NDUFAF2: variants seen among roughly 807,000 people sequenced by gnomAD.
The protein encoded by NDUFAF2 is NADH:ubiquinone oxidoreductase complex assembly factor 2.
Under a neutral mutation model 22.8 loss-of-function variants are expected in NDUFAF2, and 13 were observed. The ratio of observed to expected loss-of-function variants is 0.57; its 90% CI spans 0.37 to 0.91. NDUFAF2 has a LOEUF of 0.91. Ranked by LOEUF, NDUFAF2 falls within the 40% of genes least tolerant of loss-of-function variation. The pLI, the probability that NDUFAF2 is intolerant of heterozygous loss-of-function variation, is 0.01. For missense variants in NDUFAF2, 162 were observed against 195.2 expected, an observed-to-expected ratio of 0.83 and a Z score of 1.01; for synonymous variants, 53 against 64.2, an observed-to-expected ratio of 0.83 and a Z score of 0.84.
chr5:61,000,779 A>G (rs2112590628), intron 1 of NDUFAF2, among the ~76,000 whole-genome samples: 1 of 152,292 alleles, frequency 6.6e-6, no homozygotes, highest in African/African-American at 2.4e-5. Context: ...AGCACCTGGT[A>G]TATGTAGCAT....
intron 2 of NDUFAF2, among the ~76,000 whole-genome samples, chr5:61,076,392 G>A (rs1752371441): frequency 1.3e-5 from 2 of 152,298 alleles, no homozygotes; most frequent in Middle Eastern, 6.8e-3. Context: ...GTTTTAAATA[G>A]TGTTCAGAAA....
intron 1 of NDUFAF2, among the ~76,000 whole-genome samples, chr5:60,967,851 A>T (rs181461886): frequency 6.6e-6 from 1 of 150,642 alleles, no homozygotes; most frequent in African/African-American, 2.4e-5. Context: ...TAATGCTGGC[A>T]TTATGAAATG....
At position 61,008,094 on chromosome 5, in the gene NDUFAF2, T is replaced by C. The variant is rs533993927; in HGVS notation, c.127+62712T>C. 1.4e-4 allele frequency among the ~76,000 whole-genome samples: 19 copies of C among 138,418 alleles called. No individual in the cohort carries two copies. The South Asian group carries it at 2.2e-3, about 16-fold the overall frequency. The allele number at this position is 138,418 out of a possible 152,430, so 90.8% of individuals were successfully genotyped here. On this transcript the variant is annotated intron_variant, in intron 1 of 3. Transcript: ENST00000296597. Reference sequence around the variant, plus strand: ...GCATCTTCTCACTCACAGGTGGGAATTGAACAATGAGAACACATGGACAGA... The same window carrying C: ...GCATCTTCTCACTCACAGGTGGGAACTGAACAATGAGAACACATGGACAGA...
intron 1 of NDUFAF2, among the ~76,000 whole-genome samples, chr5:60,967,414 G>A (rs1240399758): frequency 1.3e-5 from 2 of 151,996 alleles, no homozygotes; most frequent in Non-Finnish European, 2.9e-5. Flanking sequence ...TCCTTGTCTT[G>A]ATTCGGATCT....
At chr5:60,994,960 G>T (rs1295914461) in intron 1 of NDUFAF2, among the ~76,000 whole-genome samples, 1 of 151,912 alleles carries the variant, frequency 6.6e-6, no homozygotes, top group African/African-American at 2.4e-5. Flanking sequence ...TCTTCTGCTT[G>T]ATCAGTTCTG....
At chr5:61,116,620 C>G (rs1258438624) in intron 3 of NDUFAF2, 1 of 152,124 alleles carries the variant, frequency 6.6e-6, no homozygotes, top group African/African-American at 2.4e-5. Context: ...CAGTTCTAGT[C>G]TAGAATTCTA....
chr5:61,147,988 G>A (rs1741166919), intron 3 of NDUFAF2, among the ~76,000 whole-genome samples: 1 of 152,150 alleles, frequency 6.6e-6, no homozygotes. Context: ...GTGAGAAGTT[G>A]TCCTTCCTGC....
At chr5:60,976,209 T>C (rs1750900288) in intron 1 of NDUFAF2, among the ~76,000 whole-genome samples, 1 of 152,112 alleles carries the variant, frequency 6.6e-6, no homozygotes, top group African/African-American at 2.4e-5. Context: ...CATTACTAGA[T>C]GTAAATTTTT....
rs796923256 is a variant in NDUFAF2, at chr5:61,008,164, AG to A, written c.127+62788del. Among the ~76,000 whole-genome samples, 288 of 60,612 alleles carry A rather than the reference AG, an allele frequency of 4.8e-3. 6 individuals carry two copies. Among genetic ancestry groups the A allele is most frequent in the African/African-American group, 0.019 (280 of 14,742 alleles). The allele number at this position is 60,612 out of a possible 152,430, so 39.8% of individuals were successfully genotyped here. A position where few individuals can be genotyped will look rare whatever the true frequency, so the allele number is the denominator to read the frequency against. On this transcript the variant is annotated intron_variant, in intron 1 of 3. Transcript: ENST00000296597. ...CTGGGGACTGTTGTGGGGTGGGGGG[AG>A]GGGGGAGGGATAGCTTTAGGAGATA...
chr5:60,997,806 T>C (rs1751246967), intron 1 of NDUFAF2, among the ~76,000 whole-genome samples: 1 of 152,196 alleles, frequency 6.6e-6, no homozygotes, highest in Admixed American at 6.5e-5. Context: ...ATTCTTTCTT[T>C]ATATGCTTAT....
At chr5:61,108,623 G>A (rs1188294166) in intron 3 of NDUFAF2, among the ~76,000 whole-genome samples, 4 of 147,252 alleles carry the variant, frequency 2.7e-5, no homozygotes, top group African/African-American at 5.4e-5. Context: ...ATCCATTTTG[G>A]TTTGATTGCT....
At chr5:61,046,574 A>G (rs1022182184) in intron 1 of NDUFAF2, among the ~76,000 whole-genome samples, 1 of 152,116 alleles carries the variant, frequency 6.6e-6, no homozygotes, top group African/African-American at 2.4e-5. Flanking sequence ...ATTTTGCTAT[A>G]TATTATCTAT....
chr5:61,037,711 A>C (rs372956350), intron 1 of NDUFAF2, among the ~76,000 whole-genome samples: 2 of 152,176 alleles, frequency 1.3e-5, no homozygotes, highest in African/African-American at 4.8e-5. Flanking sequence ...GCTTTTAAAA[A>C]TCAAAACATG....
At chr5:61,126,618 A>T (rs1337322333) in intron 3 of NDUFAF2, among the ~76,000 whole-genome samples, 1 of 152,108 alleles carries the variant, frequency 6.6e-6, no homozygotes, top group Non-Finnish European at 1.5e-5. Context: ...AATAATTTTT[A>T]AAAGTCAGTA....
chr5:61,068,547 C>A (rs1444817988), intron 1 of NDUFAF2, among the ~76,000 whole-genome samples: 1 of 152,026 alleles, frequency 6.6e-6, no homozygotes, highest in African/African-American at 2.4e-5. Flanking sequence ...CTATTAGTTA[C>A]AATAGTCTGA....
intron 3 of NDUFAF2, chr5:61,115,631 T>C (rs1254384174): frequency 6.6e-6 from 1 of 152,106 alleles, no homozygotes; most frequent in Non-Finnish European, 1.5e-5. Flanking sequence ...AAATCCTAAA[T>C]TGGGAGACTC....
At chr5:61,068,987 A>T (rs1041005424) in intron 1 of NDUFAF2, among the ~76,000 whole-genome samples, 1 of 152,152 alleles carries the variant, frequency 6.6e-6, no homozygotes, top group African/African-American at 2.4e-5. Flanking sequence ...CTCTTTATAA[A>T]TGAAATGTAC....
At chr5:60,989,254 A>G (rs985905520) in intron 1 of NDUFAF2, among the ~76,000 whole-genome samples, 2 of 152,270 alleles carry the variant, frequency 1.3e-5, no homozygotes, top group African/African-American at 4.8e-5. Flanking sequence ...AAAAATCAAA[A>G]AATTACAGAT....
At chr5:60,983,814 T>C in intron 1 of NDUFAF2, among the ~76,000 whole-genome samples, 1 of 152,094 alleles carries the variant, frequency 6.6e-6, no homozygotes, top group Non-Finnish European at 1.5e-5. Context: ...CCTTGTAGTA[T>C]AGTTTGAAGT....
Sources: allele counts gnomAD v4.1 joint callset (sites outside exome capture counted in the v4.1 genomes callset), GRCh38; gene constraint gnomAD v4.1.1; transcripts MANE v1.5; gene names NCBI Gene and HGNC (gene_info 2026-07-23, HGNC 2026-07-21).